The following MTNR1B variants were observed in gnomAD, a reference collection of about 807,000 sequenced individuals.
The protein encoded by MTNR1B is melatonin receptor type 1B.
Under a neutral mutation model 7.0 loss-of-function variants are expected in MTNR1B, and 7 were observed. That is an observed-to-expected ratio of 1.00 (90% CI 0.57 to 1.88). The LOEUF (loss-of-function observed/expected upper bound fraction) is 1.88. Ranked by LOEUF, MTNR1B falls within the 40% of genes most tolerant of loss-of-function variation. MTNR1B has a pLI of 0.00. For synonymous variants in MTNR1B, 226 were observed against 208.2 expected, an observed-to-expected ratio of 1.09 and a Z score of -0.74; for missense variants, 478 against 486.5, an observed-to-expected ratio of 0.98 and a Z score of 0.16.
intron 1 of MTNR1B, among the ~76,000 whole-genome samples, chr11:92,978,484 C>T (rs1427264226): frequency 6.6e-6 from 1 of 152,186 alleles, no homozygotes; most frequent in East Asian, 1.9e-4. Flanking sequence ...TCATTATGCA[C>T]ACGGTGACTG....
intron 1 of MTNR1B, among the ~76,000 whole-genome samples, chr11:92,980,995 G>A (rs1471903557): frequency 2.6e-5 from 4 of 152,198 alleles, no homozygotes; most frequent in South Asian, 4.1e-4. Context: ...AGAGATGTGC[G>A]AGGAGGTGAG....
At position 92,982,277 on chromosome 11, in the gene MTNR1B, AT is replaced by A; in HGVS notation, c.1055del (p.Ile352ThrfsTer25). The A allele has an allele frequency of 6.2e-7, 1 of 1,613,918 alleles. No homozygotes were observed. Among genetic ancestry groups the A allele is most frequent in the Non-Finnish European group, 8.5e-7 (1 of 1,179,960 alleles). On this transcript the variant is annotated frameshift_variant, in exon 2 of 2. Transcript: ENST00000257068. LOFTEE classifies it low-confidence loss of function (END_TRUNC). ...AEGLQSPAPP[I>X]IGVQHQADAL ...GGGGCTGCAGAGCCCAGCTCCACCC[AT>A]CATTGGTGTGCAGCACCAGGCAGAT...
intron 1 of MTNR1B, among the ~76,000 whole-genome samples, chr11:92,975,591 C>CCTGA (rs1857999339): frequency 6.6e-6 from 1 of 152,198 alleles, no homozygotes; most frequent in Non-Finnish European, 1.5e-5. Context: ...TGGGAATATT[C>CCTGA]TGCCTATGCA....
At chr11:92,984,122 G>A (rs186094521), downstream of MTNR1B, among the ~76,000 whole-genome samples, 2 of 152,206 alleles carry the variant, frequency 1.3e-5, no homozygotes, top group East Asian at 1.9e-4. Context: ...GCCACCCAGC[G>A]GCTTTCCTGA....
intron 1 of MTNR1B, among the ~76,000 whole-genome samples, chr11:92,973,523 A>G (rs1156391466): frequency 6.6e-6 from 1 of 152,126 alleles, no homozygotes; most frequent in Non-Finnish European, 1.5e-5. Context: ...AGCTGCTGCT[A>G]CTTCCCAAAG....
intron 1 of MTNR1B, among the ~76,000 whole-genome samples, chr11:92,977,590 C>T (rs902542615): frequency 3.3e-5 from 5 of 152,184 alleles, no homozygotes; most frequent in Non-Finnish European, 7.3e-5. Context: ...GCCTGACCAA[C>T]CCCATATCCT....
At position 92,982,166 on chromosome 11, in the gene MTNR1B, T is replaced by G; in HGVS notation, c.943T>G (p.Phe315Val). 6.2e-7 allele frequency: 1 copy of G among 1,614,198 alleles called. No individual in the cohort carries two copies. Among genetic ancestry groups the G allele is most frequent in the Non-Finnish European group, 8.5e-7 (1 of 1,180,044 alleles). Reference protein sequence around the residue: ...AIVYGLLNQNFRREYKRILLA... With the variant: ...AIVYGLLNQNVRREYKRILLA... ...TGTCTATGGGCTCTTGAACCAAAAC[T>G]TCCGCAGGGAATACAAGAGGATCCT... The change falls in exon 2 of 2, where the codon TTC becomes GTC. Residue 315 changes from phenylalanine to valine, a missense_variant. Phe to Val is a conservative substitution (Grantham distance 50). Transcript: ENST00000257068.
At chr11:92,971,906 C>T (rs993992244) in intron 1 of MTNR1B, among the ~76,000 whole-genome samples, 2 of 152,060 alleles carry the variant, frequency 1.3e-5, no homozygotes, top group African/African-American at 2.4e-5. Context: ...CTGATGTGTC[C>T]GCTACAGCCC....
chr11:92,972,494 T>C (rs1418671543), intron 1 of MTNR1B: 1 of 456,102 alleles, frequency 2.2e-6, no homozygotes, highest in East Asian at 7.0e-5. Context: ...TTGCTGCATG[T>C]GGTGGGTTGA....
intron 1 of MTNR1B, 73 bp from the exon 2 acceptor site, chr11:92,981,374 T>G: frequency 6.5e-6 from 10 of 1,530,420 alleles, no homozygotes; most frequent in Non-Finnish European, 8.8e-6. Context: ...AGTAACTTCG[T>G]GGAGGGTAGG....
intron 1 of MTNR1B, among the ~76,000 whole-genome samples, chr11:92,980,699 G>GC (rs1179012853): frequency 2.0e-5 from 3 of 152,160 alleles, no homozygotes; most frequent in Non-Finnish European, 2.9e-5. Context: ...AAGCAGGGAG[G>GC]CCCCCCAGAG....
intron 1 of MTNR1B, among the ~76,000 whole-genome samples, chr11:92,970,881 T>C (rs1857912111): frequency 6.6e-6 from 1 of 152,230 alleles, no homozygotes; most frequent in African/African-American, 2.4e-5. Context: ...AACAACCATA[T>C]AGCTTAAAAA....
chr11:92,981,684 G>C lies in MTNR1B; in HGVS notation c.461G>C (p.Arg154Pro). 1 of 1,614,192 alleles carries C rather than the reference G, an allele frequency of 6.2e-7. No individual in the cohort carries two copies. The highest frequency in any genetic ancestry group is 1.6e-4 in the Middle Eastern group (1 of 6,062). Reference sequence around the variant, plus strand: ...ATGGCCTACCACCGAATCTACCGGCGCTGGCACACCCCTCTGCACATCTGC... The same window carrying C: ...ATGGCCTACCACCGAATCTACCGGCCCTGGCACACCCCTCTGCACATCTGC... ...HSMAYHRIYR[R>P]WHTPLHICLI... Residue 154 changes from arginine to proline, a missense_variant, in exon 2 of 2, where the codon CGC (arginine) becomes CCC (proline). Physicochemically the swap from Arg to Pro is moderately radical, Grantham distance 103. Transcript: ENST00000257068.
In MTNR1B at chr11:92,981,378, GGGTA is replaced by G; in HGVS notation, c.224-66_224-63del. 3 of 1,544,686 alleles carry G rather than the reference GGGTA, an allele frequency of 1.9e-6. No homozygotes were observed. In the South Asian group the frequency reaches 3.7e-5, roughly 19 times the overall value. ...ACATTGCCAAAAGTAACTTCGTGGA[GGGTA>G]GGATGTTCTACAGAATCTAAGTCGT... On this transcript the variant is annotated intron_variant, in intron 1 of 1. Coordinates refer to ENST00000257068, the MANE Select transcript of MTNR1B (RefSeq NM_005959.5).
At chr11:92,969,991 C>T (rs776398064) in intron 1 of MTNR1B, 43 bp downstream of exon 1, 9 of 1,533,932 alleles carry the variant, frequency 5.9e-6, no homozygotes, top group Non-Finnish European at 7.9e-6. Context: ...TCGGGCCCTT[C>T]CTTGTCTTCT....
chr11:92,982,940 C>CT (rs977107751), downstream of MTNR1B, among the ~76,000 whole-genome samples: 1 of 88,382 alleles, frequency 1.1e-5, no homozygotes, highest in Non-Finnish European at 2.4e-5. Context: ...CACTGCACCC[C>CT]CCCCCCCCAC....
At chr11:92,981,305 A>G in intron 1 of MTNR1B, 142 bp from the exon 2 acceptor site, 1 of 1,191,478 alleles carries the variant, frequency 8.4e-7, no homozygotes, top group Non-Finnish European at 1.2e-6. Context: ...CAGAAATGCA[A>G]TCTGAGTCTT....
Position 92,981,748 on chromosome 11 carries a change from CT to C in MTNR1B, c.527del (p.Phe176SerfsTer67). ...LLTVVALLPNFFVGSLEYDPR... is the reference protein window; with the variant it reads ...LLTVVALLPNXFVGSLEYDPR... The stretch of plus-strand genomic sequence containing the variant: ...TCACCGTGGTGGCCTTGCTGCCCAA[CT>C]TCTTTGTGGGGTCCCTGGAGTACGA... On this transcript the variant is annotated frameshift_variant, in exon 2 of 2. Transcript: ENST00000257068. LOFTEE classifies it low-confidence loss of function (END_TRUNC). 6.2e-7 allele frequency: 1 copy of C among 1,614,258 alleles called. No individual in the cohort carries two copies. The highest frequency in any genetic ancestry group is 8.5e-7 in the Non-Finnish European group (1 of 1,180,048).
At position 92,982,542 on chromosome 11, in the gene MTNR1B, T is replaced by C. The variant is rs1858129362; in HGVS notation, c.*230T>C. On this transcript the variant is annotated 3_prime_UTR_variant, in exon 2 of 2. Transcript: ENST00000257068. Reference sequence around the variant, plus strand: ...GACCTGGAAAACACTCTTGGTGGTGTCTTGGGGATTTGGTGCACACAAGAC... The same window carrying C: ...GACCTGGAAAACACTCTTGGTGGTGCCTTGGGGATTTGGTGCACACAAGAC... The C allele has an allele frequency of 5.3e-6, 3 of 567,536 alleles. No individual in the cohort carries two copies. The South Asian group carries it at 6.9e-5, about 13-fold the overall frequency. The allele number at this position is 567,536 out of a possible 1,614,324, so 35.2% of individuals were successfully genotyped here.
Sources: allele counts gnomAD v4.1 joint callset (sites outside exome capture counted in the v4.1 genomes callset), GRCh38; gene constraint gnomAD v4.1.1; transcripts MANE v1.5; gene names NCBI Gene and HGNC (gene_info 2026-07-23, HGNC 2026-07-21).